PRKD3: variants seen among roughly 807,000 people sequenced by gnomAD.
The protein encoded by PRKD3 is serine/threonine-protein kinase D3.
A neutral mutation model predicts 99.2 loss-of-function variants in PRKD3; 47 were observed. That is an observed-to-expected ratio of 0.47 (90% confidence interval 0.38 to 0.60). PRKD3 has a LOEUF of 0.60. PRKD3 is among the 20% of genes least tolerant of loss of function. The pLI, the probability that PRKD3 is intolerant of heterozygous loss-of-function variation, is 0.00. For synonymous variants in PRKD3, 392 were observed against 355.4 expected, an observed-to-expected ratio of 1.10 and a Z score of -1.16; for missense variants, 1,019 against 1,088.4, an observed-to-expected ratio of 0.94 and a Z score of 0.90.
intron 15 of PRKD3, 128 bp from the exon 16 acceptor site, chr2:37,259,809 C>A: frequency 3.1e-6 from 2 of 654,572 alleles, no homozygotes; most frequent in East Asian, 5.5e-5. Context: ...GTGTGTTATT[C>A]TGCTCCTTAA....
chr2:37,320,847 C>A (rs1451173305), intron 1 of PRKD3, among the ~76,000 whole-genome samples: 3 of 152,142 alleles, frequency 2.0e-5, no homozygotes, highest in Non-Finnish European at 4.4e-5. Flanking sequence ...GAACAAATTA[C>A]AACTATTCAT....
chr2:37,280,202 G>A (rs1416451162), intron 7 of PRKD3, among the ~76,000 whole-genome samples: 2 of 151,246 alleles, frequency 1.3e-5, no homozygotes, highest in African/African-American at 4.9e-5. Context: ...CCACCACCAT[G>A]CCCAGCTAAT....
Position 37,316,507 on chromosome 2 carries a change from G to C in PRKD3, c.18C>G (p.Ser6=), listed in dbSNP as rs756738721. MSANN[S]PPSAQKSVLP... is the part of the protein sequence containing the mutation. ...ATACAGACTTCTGGGCTGATGGAGGGGAATTATTTGCAGACATCTGCCTTT... is the reference window on the plus strand; with the variant it reads ...ATACAGACTTCTGGGCTGATGGAGGCGAATTATTTGCAGACATCTGCCTTT... The change falls in exon 2 of 19, where the codon TCC becomes TCG. Residue 6 remains serine (S), a synonymous_variant. Transcript: ENST00000234179. 40 of 1,612,946 alleles carry C rather than the reference G, an allele frequency of 2.5e-5. No homozygotes were observed. The highest frequency in any genetic ancestry group is 3.4e-5 in the Non-Finnish European group (40 of 1,179,354).
At chr2:37,279,537 G>T in intron 8 of PRKD3, 1 of 342,404 alleles carries the variant, frequency 2.9e-6, no homozygotes, top group Non-Finnish European at 5.1e-6. Flanking sequence ...AAAAAAACAA[G>T]GATTCTCATA....
chr2:37,273,355 C>G (rs1313716728), intron 11 of PRKD3, among the ~76,000 whole-genome samples: 1 of 152,128 alleles, frequency 6.6e-6, no homozygotes, highest in African/African-American at 2.4e-5. Flanking sequence ...CAAATCAGTA[C>G]TGAACACCAA....
chr2:37,302,893 T>C (rs145411450), intron 2 of PRKD3, among the ~76,000 whole-genome samples: 21 of 152,244 alleles, frequency 1.4e-4, no homozygotes, highest in South Asian at 6.2e-4. Flanking sequence ...ACCTTCAAGA[T>C]GAAAAGCCTG....
intron 2 of PRKD3, among the ~76,000 whole-genome samples, chr2:37,299,353 T>C (rs1670811549): frequency 6.6e-6 from 1 of 151,790 alleles, no homozygotes; most frequent in East Asian, 1.9e-4. Context: ...GTAGCCAAAA[T>C]AAAAATGGAC....
intron 2 of PRKD3, among the ~76,000 whole-genome samples, chr2:37,295,076 CACAA>C (rs1003528194): frequency 3.3e-5 from 5 of 152,162 alleles, no homozygotes; most frequent in East Asian, 3.9e-4. Context: ...GAGGCTCCGT[CACAA>C]ACAAACAAAC....
chr2:37,297,912 T>A (rs1256002660), intron 2 of PRKD3, among the ~76,000 whole-genome samples: 1 of 152,162 alleles, frequency 6.6e-6, no homozygotes, highest in East Asian at 1.9e-4. Context: ...CTATACATAC[T>A]CTTTGGAAGT....
At chr2:37,282,446 A>C in intron 7 of PRKD3, 96 bp downstream of exon 7, 1 of 822,606 alleles carries the variant, frequency 1.2e-6, no homozygotes, top group Non-Finnish European at 2.0e-6. Context: ...TAAGAAACAA[A>C]ATAAATCAGG....
chr2:37,322,761 TAC>T (rs1671939658), intron 1 of PRKD3, among the ~76,000 whole-genome samples: 1 of 152,094 alleles, frequency 6.6e-6, no homozygotes, highest in Non-Finnish European at 1.5e-5. Flanking sequence ...CTCAAAGAGA[TAC>T]ATATATATAT....
chr2:37,320,273 T>G (rs1671823504), intron 1 of PRKD3, among the ~76,000 whole-genome samples: 1 of 152,144 alleles, frequency 6.6e-6, no homozygotes, highest in Non-Finnish European at 1.5e-5. Flanking sequence ...TCTACCACAT[T>G]ATTCCATATC....
intron 5 of PRKD3, among the ~76,000 whole-genome samples, chr2:37,287,060 G>C (rs542490918): frequency 6.5e-4 from 98 of 151,384 alleles, no homozygotes; most frequent in African/African-American, 2.2e-3. Flanking sequence ...GAGAAACCCC[G>C]TCTCTACTAA....
chr2:37,274,953 A>G (rs1261489065), intron 10 of PRKD3, among the ~76,000 whole-genome samples: 1 of 152,216 alleles, frequency 6.6e-6, no homozygotes, highest in Admixed American at 6.5e-5. Flanking sequence ...AAGAAGATAT[A>G]GGAGAGTAAT....
chr2:37,297,206 AG>A, intron 2 of PRKD3, among the ~76,000 whole-genome samples: 1 of 152,332 alleles, frequency 6.6e-6, no homozygotes, highest in East Asian at 1.9e-4. Flanking sequence ...CTTAAAACAA[AG>A]GATGCTTAGG....
chr2:37,265,123 G>C (rs1479711010), intron 14 of PRKD3, among the ~76,000 whole-genome samples: 1 of 150,368 alleles, frequency 6.7e-6, no homozygotes, highest in African/African-American at 2.5e-5. Context: ...AACTACAGGA[G>C]TTCAGACAGC....
intron 7 of PRKD3, among the ~76,000 whole-genome samples, chr2:37,280,226 G>T (rs1669792372): frequency 1.3e-5 from 2 of 151,654 alleles, no homozygotes; most frequent in South Asian, 4.2e-4. Context: ...TGTATCTTTA[G>T]TAGAGATGGG....
chr2:37,258,599 T>A (rs536682009), intron 16 of PRKD3, among the ~76,000 whole-genome samples: 51 of 152,360 alleles, frequency 3.3e-4, no homozygotes, highest in Non-Finnish European at 6.2e-4. Flanking sequence ...TTTTGTCTAC[T>A]ATTTTGAAGA....
In PRKD3 at chr2:37,300,634, G is replaced by A. The variant is rs145397729; in HGVS notation, c.289-7363C>T. 1.1e-4 allele frequency among the ~76,000 whole-genome samples: 17 copies of A among 152,172 alleles called. No individual in the cohort carries two copies. In the East Asian group the frequency reaches 2.9e-3, roughly 26 times the overall value. ...GTATGCTTGTATCAAAATATCACAT[G>A]TACCTCATAAATATGTACAACTATT... On this transcript the variant is annotated intron_variant, in intron 2 of 18. Coordinates refer to ENST00000234179, the MANE Select transcript of PRKD3 (RefSeq NM_005813.6).
Sources: allele counts gnomAD v4.1 joint callset (sites outside exome capture counted in the v4.1 genomes callset), GRCh38; gene constraint gnomAD v4.1.1; transcripts MANE v1.5; gene names NCBI Gene and HGNC (gene_info 2026-07-23, HGNC 2026-07-21).